ELL: variants seen among roughly 807,000 people sequenced by gnomAD.
The protein encoded by ELL is elongation factor for RNA polymerase II, also known as RNA polymerase II elongation factor ELL.
In ELL, 18 loss-of-function variants were observed where a neutral mutation model predicts 64.0. The observed-to-expected ratio is 0.28, with a 90% CI of 0.19 to 0.42. The LOEUF is 0.42. ELL is among the 10% of genes least tolerant of loss of function. The pLI, the probability that ELL is intolerant of heterozygous loss-of-function variation, is 1.00. For synonymous variants in ELL, 399 were observed against 376.2 expected (o/e 1.06, Z -0.70); for missense variants, 797 against 870.4 (o/e 0.92, Z 1.06).
chr19:18,480,217 G>GC (rs571874091), intron 1 of ELL, among the ~76,000 whole-genome samples: 67 of 152,248 alleles, frequency 4.4e-4, no homozygotes, highest in African/African-American at 1.5e-3. Context: ...CCCACAACAG[G>GC]CCCCCCCTTT....
rs563546343 is a variant in ELL, at chr19:18,454,840, C to CAAAAAAAAAAAAA, written c.870-3205_870-3193dup. Among the ~76,000 whole-genome samples, 68 of 56,510 alleles carry CAAAAAAAAAAAAA rather than the reference C, an allele frequency of 1.2e-3. 2 individuals are homozygous for CAAAAAAAAAAAAA. The highest frequency in any genetic ancestry group is 3.9e-3 in the Admixed American group (18 of 4,586). 37.1% of individuals were successfully genotyped at this position (56,510 alleles called of 152,430 possible). A position where few individuals can be genotyped will look rare whatever the true frequency, so the allele number is the denominator to read the frequency against. ...TGGGCAACAGAGTGAGACTCAGTCT[C>CAAAAAAAAAAAAA]AAAAAAAAAAAAAAAAAAGGCATCC... is the stretch of plus-strand genomic sequence containing the variant. On this transcript the variant is annotated intron_variant, in intron 6 of 11. Transcript: ENST00000262809.
intron 1 of ELL, among the ~76,000 whole-genome samples, chr19:18,488,600 C>G (rs974580093): frequency 6.6e-6 from 1 of 152,216 alleles, no homozygotes; most frequent in African/African-American, 2.4e-5. Flanking sequence ...TCAGCGCCCA[C>G]ACACCCTCAA....
rs138796147 is a variant in ELL, at chr19:18,517,544, C to T, written c.135+4377G>A. 2.2e-3 allele frequency among the ~76,000 whole-genome samples: 342 copies of T among 152,152 alleles called. 1 individual carries two copies. Among genetic ancestry groups the T allele is most frequent in the African/African-American group, 7.9e-3 (329 of 41,506 alleles). Reference sequence around the variant, plus strand: ...GGGATTACAGGTGTGAGCCACCACGCCCGGCCATCCCATGCAGGTTTTTAT... The same window carrying T: ...GGGATTACAGGTGTGAGCCACCACGTCCGGCCATCCCATGCAGGTTTTTAT... On this transcript the variant is annotated intron_variant, in intron 1 of 11. Coordinates refer to ENST00000262809, the MANE Select transcript of ELL (RefSeq NM_006532.4).
In ELL at chr19:18,450,836, G is replaced by C. The variant is rs773155395; in HGVS notation, c.1106C>G (p.Pro369Arg). The C allele has an allele frequency of 4.4e-6, 7 of 1,589,896 alleles. No homozygotes were observed. The African/African-American group carries it at 5.4e-5, about 12-fold the overall frequency. ...GGTGTCCGTGCTGGCTGGTGGGCCC[G>C]GGGTGGGCAGCAAGGCCTCACGGCC... The part of the protein sequence containing the change: ...PNGREALLPT[P>R]GPPASTDTLS... Residue 369 changes from proline to arginine, a missense_variant, in exon 8 of 12, where the codon CCG (proline) becomes CGG (arginine). Pro to Arg is a moderately radical substitution (Grantham distance 103, BLOSUM62 -2). Coordinates refer to ENST00000262809, the MANE Select transcript of ELL (RefSeq NM_006532.4).
Position 18,473,087 on chromosome 19 carries a change from T to C in ELL, c.136-205A>G. The C allele has an allele frequency of 4.5e-6, 3 of 673,570 alleles. No individual in the cohort carries two copies. In the South Asian group the frequency reaches 4.9e-5, roughly 11 times the overall value. 41.7% of individuals were successfully genotyped at this position (673,570 alleles called of 1,614,324 possible). A position where few individuals can be genotyped will look rare whatever the true frequency, so the allele number is the denominator to read the frequency against. On this transcript the variant is annotated intron_variant, in intron 1 of 11. Coordinates refer to ENST00000262809, the MANE Select transcript of ELL (RefSeq NM_006532.4). ...GAAGGATCAGTAGGAGTTCCTCAGA[T>C]GGACAGAGGGCTGGGGACACATGAC...
chr19:18,446,499 G>T lies in ELL; in HGVS notation c.1533-19C>A. ...GTACTTCCTGAAACAGGAGAGAGGG[G>T]CCACTGAGTGGAGGCTGGAAGGACC... On this transcript the variant is annotated intron_variant, in intron 9 of 11. Transcript: ENST00000262809. The T allele has an allele frequency of 6.2e-7, 1 of 1,606,982 alleles. No homozygotes were observed. The highest frequency in any genetic ancestry group is 1.7e-5 in the Admixed American group (1 of 59,696).
intron 1 of ELL, among the ~76,000 whole-genome samples, chr19:18,512,853 G>A (rs537476416): frequency 3.9e-5 from 6 of 152,212 alleles, no homozygotes; most frequent in South Asian, 2.1e-4. Flanking sequence ...TGGGAGCAGC[G>A]CCACCAATGT....
rs112527641 is a variant in ELL, at chr19:18,455,153, A to G, written c.869+3052T>C. Among the ~76,000 whole-genome samples, 1,163 of 151,052 alleles carry G rather than the reference A, an allele frequency of 7.7e-3. 14 individuals are homozygous for G. Among genetic ancestry groups the G allele is most frequent in the African/African-American group, 0.026 (1,072 of 41,088 alleles). On this transcript the variant is annotated intron_variant, in intron 6 of 11. Transcript: ENST00000262809. ...GAGAGTCCCTCTCCAAAAAAAAAAAAAAAGAAAGAAAGAAAGAAAAAGACA... is the reference window on the plus strand; with the variant it reads ...GAGAGTCCCTCTCCAAAAAAAAAAAGAAAGAAAGAAAGAAAGAAAAAGACA...
At chr19:18,511,405 C>T (rs4808811) in intron 1 of ELL, among the ~76,000 whole-genome samples, 1 of 151,994 alleles carries the variant, frequency 6.6e-6, no homozygotes, top group Non-Finnish European at 1.5e-5. Flanking sequence ...ACTCCAGCCT[C>T]GGCGATCCAA....
chr19:18,489,549 G>A (rs904113946), intron 1 of ELL, among the ~76,000 whole-genome samples: 2 of 152,152 alleles, frequency 1.3e-5, no homozygotes, highest in African/African-American at 4.8e-5. Flanking sequence ...TTCCTCAGAG[G>A]GGAATCTTAC....
chr19:18,480,950 A>G (rs1431773415), intron 1 of ELL, among the ~76,000 whole-genome samples: 1 of 152,188 alleles, frequency 6.6e-6, no homozygotes, highest in East Asian at 1.9e-4. Context: ...AGATATTTCT[A>G]TCTGCATTCA....
At chr19:18,511,438 T>C (rs1443631411) in intron 1 of ELL, among the ~76,000 whole-genome samples, 1 of 152,074 alleles carries the variant, frequency 6.6e-6, no homozygotes, top group Non-Finnish European at 1.5e-5. Flanking sequence ...TGGGTATGTA[T>C]CCAAAAGAAC....
At chr19:18,464,543 C>A (rs1025992443) in intron 4 of ELL, among the ~76,000 whole-genome samples, 54 of 152,208 alleles carry the variant, frequency 3.5e-4, no homozygotes, top group African/African-American at 1.3e-3. Context: ...CCCCTGCACC[C>A]ACATCTGGGG....
At chr19:18,444,946 C>T (rs573571563) in intron 11 of ELL, 78 bp from the exon 12 acceptor site, 3 of 1,480,032 alleles carry the variant, frequency 2.0e-6, no homozygotes, top group Non-Finnish European at 2.7e-6. Flanking sequence ...CAGTGTCCCC[C>T]CCAAACCAAA....
At chr19:18,489,585 G>A (rs372816389) in intron 1 of ELL, among the ~76,000 whole-genome samples, 3 of 152,142 alleles carry the variant, frequency 2.0e-5, no homozygotes, top group African/African-American at 4.8e-5. Flanking sequence ...ATCACTCCCT[G>A]CACACCCCAG....
At chr19:18,494,969 C>G (rs1306874200) in intron 1 of ELL, among the ~76,000 whole-genome samples, 6 of 152,214 alleles carry the variant, frequency 3.9e-5, no homozygotes, top group Admixed American at 2.6e-4. Context: ...TTGAAAAAGA[C>G]AGCAAGGCAG....
At chr19:18,507,534 G>A (rs150083263) in intron 1 of ELL, among the ~76,000 whole-genome samples, 1 of 152,328 alleles carries the variant, frequency 6.6e-6, no homozygotes, top group Non-Finnish European at 1.5e-5. Context: ...TCTGTGGAGG[G>A]AGATGCCTGC....
At chr19:18,472,971 G>A (rs1292978650) in intron 1 of ELL, 89 bp from the exon 2 acceptor site, 11 of 1,420,130 alleles carry the variant, frequency 7.7e-6, no homozygotes, top group African/African-American at 1.5e-5. Context: ...AGGTATAGAA[G>A]GAGCAGGGTG....
rs1235905478 is a variant in ELL at position 18,515,786 on chromosome 19, G to GC, written c.135+6134dup. ...GACTCCCCTTCAGGTCAAGACCCCT[G>GC]CAACCTCAAAAGATAGTTTGGCTTG... On this transcript the variant is annotated intron_variant, in intron 1 of 11. Transcript: ENST00000262809. Among the ~76,000 whole-genome samples, 7 of 152,184 alleles carry GC rather than the reference G, an allele frequency of 4.6e-5. No individual in the cohort carries two copies. The East Asian group carries it at 1.3e-3, about 29-fold the overall frequency.
Sources: allele counts gnomAD v4.1 joint callset (sites outside exome capture counted in the v4.1 genomes callset), GRCh38; gene constraint gnomAD v4.1.1; transcripts MANE v1.5; gene names NCBI Gene and HGNC (gene_info 2026-07-23, HGNC 2026-07-21).